The following ABHD12B variants were observed in gnomAD, a reference collection of about 807,000 sequenced individuals.
ABHD12B encodes abhydrolase domain containing 12B, also known as protein ABHD12B.
ABHD12B carries 42 observed loss-of-function variants against 50.4 expected under a neutral mutation model. The ratio of observed to expected loss-of-function variants is 0.83; its 90% CI spans 0.65 to 1.08. The LOEUF (loss-of-function observed/expected upper bound fraction) is 1.08. Ranked by LOEUF, ABHD12B falls within the 50% of genes least tolerant of loss-of-function variation. The pLI, the probability that ABHD12B is intolerant of heterozygous loss-of-function variation, is 0.00. For synonymous variants in ABHD12B, 167 were observed against 160.3 expected, an observed-to-expected ratio of 1.04 and a Z score of -0.32; for missense variants, 479 against 447.7, an observed-to-expected ratio of 1.07 and a Z score of -0.63.
chr14:50,896,436 C>T (rs1183495195), intron 9 of ABHD12B, among the ~76,000 whole-genome samples: 3 of 152,200 alleles, frequency 2.0e-5, no homozygotes, highest in Non-Finnish European at 4.4e-5. Flanking sequence ...TCCCCTGTGA[C>T]TTGCACATAT....
intron 11 of ABHD12B, 86 bp from the exon 12 acceptor site, chr14:50,903,988 G>C: frequency 9.0e-7 from 1 of 1,107,112 alleles, no homozygotes; most frequent in Non-Finnish European, 1.3e-6. Context: ...CAAGTTAGCT[G>C]TTTCTGTACA....
chr14:50,896,971 G>T (rs781028944), intron 9 of ABHD12B, among the ~76,000 whole-genome samples: 9 of 152,028 alleles, frequency 5.9e-5, no homozygotes, highest in Non-Finnish European at 1.2e-4. Context: ...CATGATTGTG[G>T]AATGGTTTAT....
intron 9 of ABHD12B, among the ~76,000 whole-genome samples, chr14:50,897,407 T>C (rs1046675451): frequency 6.6e-6 from 1 of 152,240 alleles, no homozygotes; most frequent in Non-Finnish European, 1.5e-5. Flanking sequence ...CAGGTGGATT[T>C]ATCATTTTCA....
At chr14:50,886,116 A>G (rs1247270402) in intron 7 of ABHD12B, among the ~76,000 whole-genome samples, 1 of 152,190 alleles carries the variant, frequency 6.6e-6, no homozygotes, top group African/African-American at 2.4e-5. Flanking sequence ...ATTACATTGA[A>G]GTCCAAGTCT....
At chr14:50,883,979 G>T (rs2049997653) in intron 5 of ABHD12B, among the ~76,000 whole-genome samples, 1 of 151,724 alleles carries the variant, frequency 6.6e-6, no homozygotes, top group African/African-American at 2.4e-5. Context: ...ATACGTTTAG[G>T]TTGTGCTCTT....
chr14:50,901,644 A>G (rs993609688), intron 9 of ABHD12B, among the ~76,000 whole-genome samples, 185 bp from the exon 10 acceptor site: 11 of 152,182 alleles, frequency 7.2e-5, no homozygotes, highest in African/African-American at 2.7e-4. Context: ...TTTCTTCTAC[A>G]TTCCTTTCTT....
intron 9 of ABHD12B, chr14:50,895,478 A>G (rs2050184959): frequency 6.6e-6 from 1 of 152,138 alleles, no homozygotes; most frequent in Non-Finnish European, 1.5e-5. Context: ...GGGCCAAGGA[A>G]TGCCCGCAGC....
chr14:50,903,991 T>A (rs1439589165), intron 11 of ABHD12B, 83 bp from the exon 12 acceptor site: 8 of 1,131,280 alleles, frequency 7.1e-6, no homozygotes, highest in Non-Finnish European at 9.1e-6. Context: ...GTTAGCTGTT[T>A]CTGTACACTT....
intron 9 of ABHD12B, among the ~76,000 whole-genome samples, chr14:50,900,636 C>T (rs2050251626): frequency 6.6e-6 from 1 of 152,226 alleles, no homozygotes; most frequent in Non-Finnish European, 1.5e-5. Context: ...GAGCTGAGAC[C>T]TGCCTGAGAT....
chr14:50,891,078 G>T (rs2050110491), intron 9 of ABHD12B: 1 of 151,898 alleles, frequency 6.6e-6, no homozygotes, highest in Non-Finnish European at 1.5e-5. Flanking sequence ...TGAGGTACTG[G>T]TTCATGTCTT....
intron 1 of ABHD12B, among the ~76,000 whole-genome samples, chr14:50,874,122 G>A (rs2049825941): frequency 6.6e-6 from 1 of 152,170 alleles, no homozygotes; most frequent in African/African-American, 2.4e-5. Context: ...TCATGGCACT[G>A]GAACTAGTGG....
At chr14:50,882,523 C>G (rs907116830) in intron 5 of ABHD12B, among the ~76,000 whole-genome samples, 1 of 151,412 alleles carries the variant, frequency 6.6e-6, no homozygotes, top group Admixed American at 6.6e-5. Flanking sequence ...ATTACAGGCA[C>G]CTGCCACCAC....
intron 11 of ABHD12B, 31 bp from the exon 12 acceptor site, chr14:50,904,043 C>T (rs1457465676): frequency 6.4e-7 from 1 of 1,554,288 alleles, no homozygotes; most frequent in Non-Finnish European, 8.8e-7. Flanking sequence ...TTTGAATGGC[C>T]ATCCTTTGAG....
chr14:50,896,782 T>A (rs8006465), intron 9 of ABHD12B, among the ~76,000 whole-genome samples: 24,414 of 151,852 alleles, frequency 0.16, 3,101 homozygotes, highest in African/African-American at 0.36. Context: ...CTTGGCTGAC[T>A]CTCTTTGCGG....
At chr14:50,882,759 A>G (rs893002462) in intron 5 of ABHD12B, among the ~76,000 whole-genome samples, 30 of 151,892 alleles carry the variant, frequency 2.0e-4, no homozygotes, top group Non-Finnish European at 3.4e-4. Flanking sequence ...GAAGGCTGAG[A>G]CCTGGAGTTC....
intron 1 of ABHD12B, among the ~76,000 whole-genome samples, chr14:50,876,237 G>A (rs533697386): frequency 3.3e-4 from 50 of 152,250 alleles, no homozygotes; most frequent in Non-Finnish European, 5.6e-4. Context: ...AATTGCCAGC[G>A]TATGATGTAT....
chr14:50,880,571 G>T lies in ABHD12B; in HGVS notation c.455G>T (p.Arg152Met). The change falls in exon 4 of 13, where the codon AGG becomes ATG. Residue 152 changes from arginine to methionine, a missense_variant and splice_region_variant. By Grantham distance (91) the Arg-to-Met change is moderately conservative (BLOSUM62 -1). Transcript: ENST00000337334. ...TATCTTCATGGCAGTGCAGAACACAGGTCAGTGGCTCTGCTTACATATTTT... is the reference window on the plus strand; with the variant it reads ...TATCTTCATGGCAGTGCAGAACACATGTCAGTGGCTCTGCTTACATATTTT... The part of the protein sequence containing the change: ...IVYLHGSAEH[R>M]AASHRLKLVK... 1 of 1,573,218 alleles carries T rather than the reference G, an allele frequency of 6.4e-7. No homozygotes were observed. The highest frequency in any genetic ancestry group is 1.2e-5 in the South Asian group (1 of 84,486).
Position 50,878,765 on chromosome 14 carries a change from G to A in ABHD12B, c.253G>A (p.Asp85Asn). The A allele has an allele frequency of 6.2e-7, 1 of 1,613,854 alleles. No individual in the cohort carries two copies. Among genetic ancestry groups the A allele is most frequent in the Non-Finnish European group, 8.5e-7 (1 of 1,179,780 alleles). The change falls in exon 3 of 13, where the codon GAT becomes AAT. Residue 85 changes from aspartate to asparagine, a missense_variant. Asp to Asn is a conservative substitution (Grantham distance 23). Transcript: ENST00000337334. The part of the protein sequence containing the change: ...FNFFKAPFLV[D>N]LKKPELKIPH... The stretch of plus-strand genomic sequence containing the variant: ...TCCAGTCAAAGCCCCATTTCTTGTG[G>A]ATTTAAAGAAACCAGAGTTAAAGAT...
At position 50,904,429 on chromosome 14, in the gene ABHD12B, G is replaced by A; in HGVS notation, c.*63G>A. On this transcript the variant is annotated 3_prime_UTR_variant, in exon 13 of 13. Coordinates refer to ENST00000337334, the MANE Select transcript of ABHD12B (RefSeq NM_001206673.2). ...CCAAACACCACCTGTGATGTATATT[G>A]TTCTAATGTAAAATTGTACTGGGCT... The A allele has an allele frequency of 1.2e-6, 2 of 1,606,124 alleles. No individual in the cohort carries two copies. The highest frequency in any genetic ancestry group is 1.7e-5 in the Admixed American group (1 of 60,006).
Sources: allele counts gnomAD v4.1 joint callset (sites outside exome capture counted in the v4.1 genomes callset), GRCh38; gene constraint gnomAD v4.1.1; transcripts MANE v1.5; gene names NCBI Gene and HGNC (gene_info 2026-07-23, HGNC 2026-07-21).